The following SCN7A variants were observed in gnomAD, a reference collection of about 807,000 sequenced individuals.
The protein encoded by SCN7A is sodium channel protein type 7 subunit alpha.
In SCN7A, 138 loss-of-function variants were observed where a neutral mutation model predicts 155.2. The observed-to-expected ratio is 0.89, with a 90% confidence interval of 0.77 to 1.02. SCN7A has a LOEUF of 1.02. Among genes scored for constraint, SCN7A ranks in the 50% least tolerant of loss-of-function variants. SCN7A has a pLI of 0.00. For synonymous variants in SCN7A, 693 were observed against 649.0 expected, an observed-to-expected ratio of 1.07 and a Z score of -1.03; for missense variants, 2,058 against 1,986.6, an observed-to-expected ratio of 1.04 and a Z score of -0.68.
At position 166,404,921 on chromosome 2, in the gene SCN7A, A is replaced by G. The variant is rs1417384955; in HGVS notation, c.*659T>C. 2.0e-5 allele frequency: 3 copies of G among 151,626 alleles called. No homozygotes were observed. Among genetic ancestry groups the G allele is most frequent in the Non-Finnish European group, 2.9e-5 (2 of 67,874 alleles). 9.4% of individuals were successfully genotyped at this position (151,626 alleles called of 1,614,324 possible). The stretch of plus-strand genomic sequence containing the variant: ...AGCCAGAGCTTAGGTGAAACTATCC[A>G]GAGATGAGAAACCAGGAGCTTGAGC... On this transcript the variant is annotated 3_prime_UTR_variant, in exon 26 of 26. Transcript: ENST00000643258.
rs374400443 is a variant in SCN7A, at chr2:166,423,246, T to A, written c.3027+13A>T. On this transcript the variant is annotated intron_variant, in intron 19 of 25. Transcript: ENST00000643258. The stretch of plus-strand genomic sequence containing the variant: ...TAAATCAAATAGCCTTTCATTTTCT[T>A]TAAAATACGTACAATAACAACCACG... 200 of 1,594,246 alleles carry A rather than the reference T, an allele frequency of 1.3e-4. 1 individual carries two copies. In the East Asian group the frequency reaches 2.1e-3, roughly 16 times the overall value.
At chr2:166,435,904 T>A (rs1432113650) in intron 15 of SCN7A, among the ~76,000 whole-genome samples, 2 of 152,050 alleles carry the variant, frequency 1.3e-5, no homozygotes, top group African/African-American at 4.8e-5. Flanking sequence ...GGAATGAAAT[T>A]AAAATTTGCT....
At chr2:166,473,622 A>G (rs1264158686) in intron 5 of SCN7A, among the ~76,000 whole-genome samples, 177 bp downstream of exon 5, 3 of 151,240 alleles carry the variant, frequency 2.0e-5, no homozygotes, top group East Asian at 3.9e-4. Flanking sequence ...TGAGATTGCA[A>G]TAGCAAAGAA....
At chr2:166,409,197 A>G (rs1185720072) in intron 25 of SCN7A, among the ~76,000 whole-genome samples, 1 of 152,026 alleles carries the variant, frequency 6.6e-6, no homozygotes, top group African/African-American at 2.4e-5. Flanking sequence ...TAAATAAGAG[A>G]GAGATCTCCA....
chr2:166,444,691 T>A, intron 13 of SCN7A, 71 bp downstream of exon 13: 1 of 828,582 alleles, frequency 1.2e-6, no homozygotes, highest in South Asian at 1.8e-5. Flanking sequence ...ATGGGAATAA[T>A]GATGAACAAA....
intron 15 of SCN7A, among the ~76,000 whole-genome samples, chr2:166,436,694 A>G (rs1575024831): frequency 6.6e-6 from 1 of 152,208 alleles, no homozygotes; most frequent in Admixed American, 6.5e-5. Context: ...GACTTGTTGA[A>G]TGGTCTTAAC....
At position 166,406,526 on chromosome 2, in the gene SCN7A, T is replaced by C. The variant is rs772162600; in HGVS notation, c.4103A>G (p.Asn1368Ser). ...RLGKGPKVFH[N>S]LMLPLMLSLP... ...GGACAGCATCAAAGGAAGCATCAGATTATGAAACACCTTTGGTCCTTTTCC... is the reference window on the plus strand; with the variant it reads ...GGACAGCATCAAAGGAAGCATCAGACTATGAAACACCTTTGGTCCTTTTCC... The change falls in exon 26 of 26, where the codon AAT becomes AGT. Residue 1368 changes from asparagine to serine, a missense_variant. Transcript: ENST00000643258. The C allele has an allele frequency of 6.2e-7, 1 of 1,612,856 alleles. No individual in the cohort carries two copies. Among genetic ancestry groups the C allele is most frequent in the Non-Finnish European group, 8.5e-7 (1 of 1,179,270 alleles).
At chr2:166,426,668 A>C (rs1490051706) in intron 18 of SCN7A, among the ~76,000 whole-genome samples, 5 of 152,104 alleles carry the variant, frequency 3.3e-5, no homozygotes, top group African/African-American at 1.2e-4. Context: ...GGATAAAACT[A>C]ATCTATGGCA....
rs1021479056 is a variant in SCN7A, at chr2:166,432,370, T to A, written c.2540A>T (p.Asn847Ile). The A allele has an allele frequency of 5.6e-6, 9 of 1,612,666 alleles. No individual in the cohort carries two copies. In the African/African-American group the frequency reaches 9.4e-5, roughly 17 times the overall value. Reference sequence around the variant, plus strand: ...ACTCTGAATCTCCTTATTATCCAGATTTTCTATATCAGATTCTCCTGAAGC... The same window carrying A: ...ACTCTGAATCTCCTTATTATCCAGAATTTCTATATCAGATTCTCCTGAAGC... The part of the protein sequence containing the change: ...PIASGESDIE[N>I]LDNKEIQSKS... The change falls in exon 16 of 26, where the codon AAT (asparagine) becomes ATT (isoleucine). Residue 847 changes from asparagine (N) to isoleucine (I), a missense_variant. Asn to Ile is a moderately radical substitution (Grantham distance 149, BLOSUM62 -3). Transcript: ENST00000643258.
intron 1 of SCN7A, 74 bp from the exon 2 acceptor site, chr2:166,487,042 A>AC (rs943888091): frequency 2.6e-5 from 4 of 152,204 alleles, no homozygotes; most frequent in African/African-American, 9.7e-5. Context: ...TGTGGCTCCC[A>AC]CCCACCTCCA....
At chr2:166,412,998 C>T (rs536845281) in intron 22 of SCN7A, 70 bp downstream of exon 22, 4 of 1,048,156 alleles carry the variant, frequency 3.8e-6, no homozygotes, top group African/African-American at 3.2e-5. Flanking sequence ...TTACTGGTGT[C>T]CTGTGCTCGA....
rs201826350 is a variant in SCN7A, at chr2:166,462,169, TGA to T, written c.1083+218_1083+219del. The T allele has an allele frequency of 3.8e-4, 160 of 422,126 alleles. No individual in the cohort carries two copies. The East Asian group carries it at 5.2e-3, about 14-fold the overall frequency. 26.1% of individuals were successfully genotyped at this position (422,126 alleles called of 1,614,324 possible). On this transcript the variant is annotated intron_variant, in intron 10 of 25. Coordinates refer to ENST00000643258, the MANE Select transcript of SCN7A (RefSeq NM_002976.4). Reference sequence around the variant, plus strand: ...CTCCTCTCTTCTCTCTCTCTCTCTCTGACCTTGTAGAATTGTTTCAAAGATTA... The same window carrying T: ...CTCCTCTCTTCTCTCTCTCTCTCTCTCCTTGTAGAATTGTTTCAAAGATTA...
chr2:166,447,676 C>A lies in SCN7A; in HGVS notation c.1323G>T (p.Arg441Ser). The change falls in exon 12 of 26, where the codon AGG becomes AGT. Residue 441 changes from arginine (R) to serine (S), a missense_variant. Coordinates refer to ENST00000643258, the MANE Select transcript of SCN7A (RefSeq NM_002976.4). ...ATGATGTGTCTGTGGAAATTGGTGA[C>A]CTTTTCTTCATTTCTATTTGTATGG... ...AKTIQIEMKK[R>S]SPISTDTSLD... is the part of the protein sequence containing the mutation. 3.7e-6 allele frequency: 6 copies of A among 1,613,124 alleles called. No individual in the cohort carries two copies. Among genetic ancestry groups the A allele is most frequent in the Non-Finnish European group, 5.1e-6 (6 of 1,179,400 alleles).
At chr2:166,473,186 T>TAA (rs545483555) in intron 5 of SCN7A, among the ~76,000 whole-genome samples, 5 of 143,616 alleles carry the variant, frequency 3.5e-5, no homozygotes, top group Non-Finnish European at 6.2e-5. Flanking sequence ...AAACAAAAAG[T>TAA]AAAAAAAAAA....
chr2:166,488,632 C>CTTTT (rs200899928), intron 1 of SCN7A, among the ~76,000 whole-genome samples: 6 of 144,648 alleles, frequency 4.1e-5, no homozygotes, highest in Non-Finnish European at 6.1e-5. Context: ...TCAACAGTTT[C>CTTTT]TTTTTTTTTT....
intron 21 of SCN7A, among the ~76,000 whole-genome samples, chr2:166,415,901 G>C (rs1218696848): frequency 6.6e-6 from 1 of 152,070 alleles, no homozygotes; most frequent in Non-Finnish European, 1.5e-5. Flanking sequence ...GCGGGGTTGG[G>C]CAAAAAGAGC....
At chr2:166,422,861 T>A (rs1701540107) in intron 19 of SCN7A, among the ~76,000 whole-genome samples, 1 of 152,092 alleles carries the variant, frequency 6.6e-6, no homozygotes, top group African/African-American at 2.4e-5. Context: ...ATTGTAGAGA[T>A]CTAAGTGAGA....
intron 15 of SCN7A, among the ~76,000 whole-genome samples, chr2:166,436,069 G>A (rs955329242): frequency 1.3e-5 from 2 of 152,138 alleles, no homozygotes; most frequent in Admixed American, 1.3e-4. Context: ...AACCCTATAA[G>A]GCAAGTATTG....
intron 11 of SCN7A, 44 bp from the exon 12 acceptor site, chr2:166,447,752 C>T: frequency 7.2e-7 from 1 of 1,391,518 alleles, no homozygotes; most frequent in Non-Finnish European, 1.0e-6. Flanking sequence ...CCTGTCTTTG[C>T]AGGTCCAAGA....
Sources: allele counts gnomAD v4.1 joint callset (sites outside exome capture counted in the v4.1 genomes callset), GRCh38; gene constraint gnomAD v4.1.1; transcripts MANE v1.5; gene names NCBI Gene and HGNC (gene_info 2026-07-23, HGNC 2026-07-21).